The following CSTPP1 variants were observed in gnomAD, a reference collection of about 807,000 sequenced individuals.
The protein encoded by CSTPP1 is centriolar satellite-associated tubulin polyglutamylase complex regulator 1.
At chr11:47,054,390 T>A in the CSTPP1 span, among the ~76,000 whole-genome samples, 1 of 150,204 alleles carries the variant, frequency 6.7e-6, no homozygotes, top group Admixed American at 6.6e-5. Context: ...TAGTTCACTA[T>A]AACCTTGAGC....
chr11:47,049,409 G>A, the CSTPP1 span, among the ~76,000 whole-genome samples: 1 of 151,994 alleles, frequency 6.6e-6, no homozygotes, highest in African/African-American at 2.4e-5. Flanking sequence ...GGCTGAGATG[G>A]GTGGATCACT....
At chr11:46,948,119 G>C in the CSTPP1 span, 1 of 456,202 alleles carries the variant, frequency 2.2e-6, no homozygotes, top group Admixed American at 2.3e-5. Flanking sequence ...TGCCAGAACC[G>C]GTCGGCTCCA....
At chr11:47,157,058 C>A in the CSTPP1 span, 1 of 1,614,168 alleles carries the variant, frequency 6.2e-7, no homozygotes, top group Admixed American at 1.7e-5. Flanking sequence ...CTATGAGGAC[C>A]TGCTGTCAGG....
At chr11:47,076,397 A>G in the CSTPP1 span, among the ~76,000 whole-genome samples, 2 of 152,204 alleles carry the variant, frequency 1.3e-5, no homozygotes, top group East Asian at 3.8e-4. Flanking sequence ...CATTCATTCT[A>G]CAGTGAAGCT....
At chr11:47,093,399 A>G in the CSTPP1 span, among the ~76,000 whole-genome samples, 1 of 152,190 alleles carries the variant, frequency 6.6e-6, no homozygotes. Flanking sequence ...GTCTTGCTCT[A>G]TTTATTCATT....
chr11:47,119,312 A>G, the CSTPP1 span, among the ~76,000 whole-genome samples: 2 of 152,234 alleles, frequency 1.3e-5, no homozygotes, highest in African/African-American at 4.8e-5. Context: ...GACCTTGGGA[A>G]AAGCACAGTA....
At chr11:47,119,341 C>T in the CSTPP1 span, among the ~76,000 whole-genome samples, 1 of 152,190 alleles carries the variant, frequency 6.6e-6, no homozygotes, top group African/African-American at 2.4e-5. Flanking sequence ...GAGAGTGTCC[C>T]GTTTTTCCAG....
the CSTPP1 span, among the ~76,000 whole-genome samples, chr11:47,045,205 T>C: frequency 2.0e-5 from 3 of 152,088 alleles, no homozygotes; most frequent in Admixed American, 6.5e-5. Context: ...CTGAATTAAA[T>C]TTCACTCCAG....
the CSTPP1 span, among the ~76,000 whole-genome samples, chr11:47,127,510 A>G: frequency 6.6e-6 from 1 of 152,146 alleles, no homozygotes; most frequent in Non-Finnish European, 1.5e-5. Flanking sequence ...CGTTTCAGCC[A>G]CCCACTGGCT....
At chr11:46,982,625 A>G in the CSTPP1 span, among the ~76,000 whole-genome samples, 1 of 152,142 alleles carries the variant, frequency 6.6e-6, no homozygotes, top group Non-Finnish European at 1.5e-5. Flanking sequence ...TTCCCCATAT[A>G]AATTAGGGCC....
chr11:47,060,683 C>G, the CSTPP1 span, among the ~76,000 whole-genome samples: 4 of 152,072 alleles, frequency 2.6e-5, no homozygotes, highest in Non-Finnish European at 5.9e-5. Flanking sequence ...TAAAGGACTA[C>G]AAATTGGGTT....
At chr11:47,047,180 C>T in the CSTPP1 span, among the ~76,000 whole-genome samples, 5 of 152,124 alleles carry the variant, frequency 3.3e-5, no homozygotes, top group African/African-American at 7.2e-5. Flanking sequence ...GGATTACAGA[C>T]GTGAGCCACC....
chr11:47,164,263 C>A, the CSTPP1 span: 3 of 1,608,520 alleles, frequency 1.9e-6, no homozygotes, highest in Non-Finnish European at 2.5e-6. Flanking sequence ...GGCCAGGGGC[C>A]GGCACTGGGC....
At chr11:47,005,253 C>A in the CSTPP1 span, among the ~76,000 whole-genome samples, 3 of 152,160 alleles carry the variant, frequency 2.0e-5, no homozygotes. Flanking sequence ...TAAGCCTGAT[C>A]ACTAAAGCAT....
the CSTPP1 span, among the ~76,000 whole-genome samples, chr11:47,000,123 T>C: frequency 6.6e-6 from 1 of 152,140 alleles, no homozygotes; most frequent in Non-Finnish European, 1.5e-5. Flanking sequence ...GTAAAAGAAA[T>C]TAATATTTAG....
the CSTPP1 span, among the ~76,000 whole-genome samples, chr11:47,060,320 C>T: frequency 2.8e-5 from 4 of 140,360 alleles, no homozygotes; most frequent in African/African-American, 1.1e-4. Flanking sequence ...TCACTGCAAC[C>T]TCTGCCTCCC....
At chr11:47,023,890 G>A in the CSTPP1 span, among the ~76,000 whole-genome samples, 16 of 152,096 alleles carry the variant, frequency 1.1e-4, no homozygotes, top group African/African-American at 3.4e-4. Flanking sequence ...ACTGTTGTGA[G>A]TAATATTGCT....
At chr11:47,006,977 T>C in the CSTPP1 span, among the ~76,000 whole-genome samples, 1 of 151,116 alleles carries the variant, frequency 6.6e-6, no homozygotes, top group Middle Eastern at 3.2e-3. Flanking sequence ...ATGCTCTTTT[T>C]TGCATTTTCT....
the CSTPP1 span, among the ~76,000 whole-genome samples, chr11:47,152,537 T>A: frequency 1.3e-5 from 2 of 150,298 alleles, no homozygotes; most frequent in African/African-American, 4.8e-5. Flanking sequence ...GAGGCAGGGG[T>A]AGCCCTTTGG....
Sources: gnomAD v4.1 joint callset for allele counts (sites outside exome capture counted in the v4.1 genomes callset) on GRCh38, gnomAD v4.1.1 for gene constraint, MANE v1.5 for transcripts, NCBI Gene and HGNC (gene_info 2026-07-23, HGNC 2026-07-21) for gene names.